KCNIP4: variants seen among roughly 807,000 people sequenced by gnomAD.
The protein encoded by KCNIP4 is potassium voltage-gated channel interacting protein 4.
A neutral mutation model predicts 34.0 loss-of-function variants in KCNIP4; 12 were observed. That is an observed-to-expected ratio of 0.35 (90% CI 0.23 to 0.57). The LOEUF (loss-of-function observed/expected upper bound fraction) is 0.57, where lower values mean the gene tolerates loss of function less well. KCNIP4 is among the 20% of genes least tolerant of loss of function. The pLI is 0.83. For synonymous variants in KCNIP4, 124 were observed against 102.2 expected (o/e 1.21, Z -1.29); for missense variants, 238 against 311.7 (o/e 0.76, Z 1.78).
intron 1 of KCNIP4, among the ~76,000 whole-genome samples, chr4:21,425,946 C>G (rs115730984): frequency 6.6e-6 from 1 of 151,904 alleles, no homozygotes; most frequent in Non-Finnish European, 1.5e-5. Context: ...CCCAGGTACT[C>G]GAGAGGCTGA....
In KCNIP4 at chr4:21,501,248, T is replaced by TCTCTCACACACACACACACACA. The variant is rs764571152; in HGVS notation, c.61+447322_61+447323insTGTGTGTGTGTGTGTGTGAGAG. Among the ~76,000 whole-genome samples, 6 of 104,292 alleles carry TCTCTCACACACACACACACACA rather than the reference T, an allele frequency of 5.8e-5. No individual in the cohort carries two copies. The South Asian group carries it at 2.0e-3, about 34-fold the overall frequency. The allele number at this position is 104,292 out of a possible 152,430, so 68.4% of individuals were successfully genotyped here. A position where few individuals can be genotyped will look rare whatever the true frequency, so the allele number is the denominator to read the frequency against. ...TTCTCTCTCTCTCTCTCTCTCTCTCTCACACACACACACACACACACACAC... is the reference window on the plus strand; with the variant it reads ...TTCTCTCTCTCTCTCTCTCTCTCTCTCTCTCACACACACACACACACACACACACACACACACACACACACAC... On this transcript the variant is annotated intron_variant, in intron 1 of 8. Transcript: ENST00000382152.
chr4:20,748,457 C>T (rs1752838547), intron 5 of KCNIP4, among the ~76,000 whole-genome samples: 1 of 151,470 alleles, frequency 6.6e-6, no homozygotes, highest in South Asian at 2.1e-4. Flanking sequence ...TTGCTGGCCT[C>T]ATTCATCATC....
At chr4:20,837,317 A>T (rs1035165556) in intron 3 of KCNIP4, among the ~76,000 whole-genome samples, 48 of 152,272 alleles carry the variant, frequency 3.2e-4, no homozygotes, top group African/African-American at 1.1e-3. Context: ...ACTCAGCCCA[A>T]ATATAGCATT....
At chr4:21,473,993 C>T (rs936430389) in intron 1 of KCNIP4, among the ~76,000 whole-genome samples, 47 of 152,038 alleles carry the variant, frequency 3.1e-4, no homozygotes, top group Non-Finnish European at 7.4e-5. Context: ...ACATTACAGG[C>T]GTGAGCCACC....
At chr4:21,091,861 A>G (rs1747025861) in intron 1 of KCNIP4, among the ~76,000 whole-genome samples, 1 of 152,188 alleles carries the variant, frequency 6.6e-6, no homozygotes, top group Admixed American at 6.5e-5. Context: ...ACCTCCTAGT[A>G]TTATCACATT....
At chr4:21,155,003 ATCT>A (rs1374904569) in intron 1 of KCNIP4, among the ~76,000 whole-genome samples, 2 of 152,144 alleles carry the variant, frequency 1.3e-5, no homozygotes, top group African/African-American at 2.4e-5. Flanking sequence ...TTTTTGCTTG[ATCT>A]TCTTTTTATA....
chr4:21,824,613 C>T (rs558052615), intron 1 of KCNIP4, among the ~76,000 whole-genome samples: 306 of 152,214 alleles, frequency 2.0e-3, no homozygotes, highest in African/African-American at 7.0e-3. Context: ...TGGCCTTGCA[C>T]CCACAAAATT....
chr4:20,973,375 A>G (rs115599544), intron 1 of KCNIP4, among the ~76,000 whole-genome samples: 3,672 of 152,232 alleles, frequency 0.024, 156 homozygotes, highest in African/African-American at 0.084. Flanking sequence ...TACCTCTCTC[A>G]GCCTTCACAG....
intron 1 of KCNIP4, among the ~76,000 whole-genome samples, chr4:20,968,991 C>T (rs907486231): frequency 6.6e-6 from 1 of 152,132 alleles, no homozygotes. Context: ...TATTTAAATT[C>T]ATCTAAGTAA....
chr4:21,424,099 G>A (rs189896641), intron 1 of KCNIP4, among the ~76,000 whole-genome samples: 8 of 151,360 alleles, frequency 5.3e-5, no homozygotes, highest in Admixed American at 3.3e-4. Flanking sequence ...GATTACAGGC[G>A]TGAGCCACCA....
intron 1 of KCNIP4, among the ~76,000 whole-genome samples, chr4:21,403,630 C>T (rs1723724783): frequency 6.6e-6 from 1 of 152,156 alleles, no homozygotes; most frequent in East Asian, 1.9e-4. Flanking sequence ...CACCTAATAC[C>T]TTAATCAATT....
chr4:21,697,532 CTG>C, intron 1 of KCNIP4: 1 of 1,455,944 alleles, frequency 6.9e-7, no homozygotes, highest in Non-Finnish European at 8.9e-7. Context: ...GGAGAAACTT[CTG>C]TCTCAGTTTA....
At chr4:21,033,436 C>A (rs919992088) in intron 1 of KCNIP4, among the ~76,000 whole-genome samples, 3 of 152,144 alleles carry the variant, frequency 2.0e-5, no homozygotes, top group African/African-American at 7.2e-5. Flanking sequence ...GAGAACTCAG[C>A]CCTTTAGGGA....
intron 4 of KCNIP4, chr4:20,752,469 G>A (rs1398433541): frequency 6.6e-6 from 1 of 152,068 alleles, no homozygotes; most frequent in South Asian, 2.1e-4. Flanking sequence ...TATTTCCTAG[G>A]CAAGCCACTT....
At chr4:21,001,527 A>T (rs1028617145) in intron 1 of KCNIP4, among the ~76,000 whole-genome samples, 1 of 152,096 alleles carries the variant, frequency 6.6e-6, no homozygotes, top group Non-Finnish European at 1.5e-5. Context: ...GAAGTGGCCT[A>T]CCTCCTCCTG....
chr4:21,186,580 C>A (rs16870559), intron 1 of KCNIP4, among the ~76,000 whole-genome samples: 5 of 152,122 alleles, frequency 3.3e-5, no homozygotes, highest in Non-Finnish European at 7.4e-5. Flanking sequence ...AAATTCAAAT[C>A]GGCATCACTT....
chr4:20,809,134 A>T (rs962059530), intron 3 of KCNIP4, among the ~76,000 whole-genome samples: 1 of 152,150 alleles, frequency 6.6e-6, no homozygotes, highest in Non-Finnish European at 1.5e-5. Flanking sequence ...GAGGTGACAA[A>T]CTCATGCTCA....
chr4:21,477,427 C>T (rs1288861973), intron 1 of KCNIP4, among the ~76,000 whole-genome samples: 1 of 152,116 alleles, frequency 6.6e-6, no homozygotes, highest in African/African-American at 2.4e-5. Context: ...ACTGTCTTTT[C>T]TGGATTCTGA....
chr4:20,793,045 G>A (rs1449243220), intron 3 of KCNIP4, among the ~76,000 whole-genome samples: 1 of 152,156 alleles, frequency 6.6e-6, no homozygotes, highest in Non-Finnish European at 1.5e-5. Flanking sequence ...CCAACCCTGT[G>A]ATTTAGACAT....
Sources: gnomAD v4.1 joint callset for allele counts (sites outside exome capture counted in the v4.1 genomes callset) on GRCh38, gnomAD v4.1.1 for gene constraint, MANE v1.5 for transcripts, NCBI Gene and HGNC (gene_info 2026-07-23, HGNC 2026-07-21) for gene names.